PSMD14: variants seen among roughly 807,000 people sequenced by gnomAD.
The protein encoded by PSMD14 is proteasome 26S subunit, non-ATPase 14.
Under a neutral mutation model 41.2 loss-of-function variants are expected in PSMD14, and 7 were observed. That is an observed-to-expected ratio of 0.17 (90% CI 0.10 to 0.32). PSMD14 has a LOEUF of 0.32. PSMD14 is among the 10% of genes least tolerant of loss of function. The pLI is 1.00. For missense variants in PSMD14, 139 were observed against 375.6 expected, an observed-to-expected ratio of 0.37 and a Z score of 5.21; for synonymous variants, 114 against 122.3, an observed-to-expected ratio of 0.93 and a Z score of 0.45.
chr2:161,314,029 T>C (rs1689121752), intron 1 of PSMD14, among the ~76,000 whole-genome samples: 2 of 152,342 alleles, frequency 1.3e-5, no homozygotes, highest in South Asian at 4.1e-4. Context: ...TTTGAAAACA[T>C]TGAGAGCTCA....
At chr2:161,353,825 A>C (rs1296060493) in intron 3 of PSMD14, among the ~76,000 whole-genome samples, 1 of 152,198 alleles carries the variant, frequency 6.6e-6, no homozygotes, top group Non-Finnish European at 1.5e-5. Flanking sequence ...TGAGTGAATA[A>C]ATAAAAACGT....
intron 10 of PSMD14, among the ~76,000 whole-genome samples, chr2:161,400,627 C>T: frequency 6.6e-6 from 1 of 152,144 alleles, no homozygotes; most frequent in East Asian, 1.9e-4. Context: ...GATCATGGTT[C>T]ACTGTAGCTT....
intron 3 of PSMD14, among the ~76,000 whole-genome samples, chr2:161,333,095 A>T (rs1226463548): frequency 6.6e-6 from 1 of 152,222 alleles, no homozygotes; most frequent in African/African-American, 2.4e-5. Context: ...AAGGATTTAA[A>T]TTGCTTATTG....
intron 9 of PSMD14, among the ~76,000 whole-genome samples, chr2:161,391,506 T>A (rs1282976659): frequency 6.6e-6 from 1 of 152,182 alleles, no homozygotes; most frequent in African/African-American, 2.4e-5. Context: ...TAAAAAGGCC[T>A]TTTGTAATTA....
chr2:161,337,581 G>T (rs1420761768), intron 3 of PSMD14, among the ~76,000 whole-genome samples: 1 of 152,190 alleles, frequency 6.6e-6, no homozygotes, highest in East Asian at 1.9e-4. Context: ...GTATCATTCA[G>T]ATTGTTAATA....
intron 3 of PSMD14, among the ~76,000 whole-genome samples, chr2:161,350,997 C>T (rs567606428): frequency 6.6e-6 from 1 of 152,314 alleles, no homozygotes; most frequent in South Asian, 2.1e-4. Context: ...CTCCTTTGTC[C>T]AATCTCCCTT....
Position 161,411,576 on chromosome 2 carries a change from A to G in PSMD14, c.*176A>G. 1 of 396,396 alleles carries G rather than the reference A, an allele frequency of 2.5e-6. No homozygotes were observed. The highest frequency in any genetic ancestry group is 4.5e-6 in the Non-Finnish European group (1 of 223,764). The allele number at this position is 396,396 out of a possible 1,614,324, so 24.6% of individuals were successfully genotyped here. A position where few individuals can be genotyped will look rare whatever the true frequency, so the allele number is the denominator to read the frequency against. On this transcript the variant is annotated 3_prime_UTR_variant, in exon 12 of 12. Transcript: ENST00000409682. ...TGCAATTACTTCTGTTTCTTTAGTC[A>G]GGGTCTTTGCAGATTCTAAAGTTAT...
chr2:161,354,924 G>A (rs776388544), intron 3 of PSMD14, among the ~76,000 whole-genome samples: 15 of 152,056 alleles, frequency 9.9e-5, no homozygotes, highest in Non-Finnish European at 1.8e-4. Flanking sequence ...TCAAAATACT[G>A]GCTGTAGGGC....
chr2:161,395,765 A>G (rs1184293961), intron 10 of PSMD14, among the ~76,000 whole-genome samples: 6 of 152,242 alleles, frequency 3.9e-5, no homozygotes, highest in Admixed American at 3.9e-4. Flanking sequence ...TATATTAACA[A>G]ATATTTATTG....
intron 3 of PSMD14, among the ~76,000 whole-genome samples, chr2:161,337,975 G>A (rs988162254): frequency 1.3e-5 from 2 of 151,944 alleles, no homozygotes; most frequent in African/African-American, 4.8e-5. Flanking sequence ...GAATAAAAAG[G>A]GATGAGAAAA....
At chr2:161,349,073 T>C (rs1245729405) in intron 3 of PSMD14, among the ~76,000 whole-genome samples, 1 of 152,204 alleles carries the variant, frequency 6.6e-6, no homozygotes, top group Non-Finnish European at 1.5e-5. Flanking sequence ...ATGACCCTTT[T>C]GCTCAGTCCG....
rs28375809 is a variant in PSMD14, at chr2:161,312,174, C to T, written c.-138+3570C>T. Among the ~76,000 whole-genome samples, 427 of 146,540 alleles carry T rather than the reference C, an allele frequency of 2.9e-3. 2 individuals carry two copies. Among genetic ancestry groups the T allele is most frequent in the African/African-American group, 0.01 (414 of 39,712 alleles). On this transcript the variant is annotated intron_variant, in intron 1 of 11. Coordinates refer to ENST00000409682, the MANE Select transcript of PSMD14 (RefSeq NM_005805.6). ...TTTTTTTTTTTTTGAGATGGAGTAT[C>T]GTTCTGTCACCCAGGCTGGAGTGCG...
intron 11 of PSMD14, 58 bp downstream of exon 11, chr2:161,408,957 A>C: frequency 7.1e-7 from 1 of 1,417,878 alleles, no homozygotes; most frequent in East Asian, 2.4e-5. Context: ...TTATAGAGTT[A>C]AAACTGTTTT....
chr2:161,356,810 C>T (rs1290711481), intron 3 of PSMD14, among the ~76,000 whole-genome samples: 5 of 146,046 alleles, frequency 3.4e-5, no homozygotes, highest in South Asian at 2.2e-4. Context: ...TGTCATTTCC[C>T]GAGATAACTT....
chr2:161,367,577 T>G, intron 4 of PSMD14, 28 bp downstream of exon 4: 2 of 1,550,982 alleles, frequency 1.3e-6, no homozygotes, highest in Admixed American at 3.7e-5. Flanking sequence ...TTACTTGCTT[T>G]AGAGAACTCT....
chr2:161,353,110 A>G (rs1683142971), intron 3 of PSMD14, among the ~76,000 whole-genome samples: 1 of 152,228 alleles, frequency 6.6e-6, no homozygotes, highest in South Asian at 2.1e-4. Flanking sequence ...ACTATGAGTC[A>G]GATGTAAAAT....
At chr2:161,316,044 A>G (rs898969211) in intron 1 of PSMD14, among the ~76,000 whole-genome samples, 4 of 152,176 alleles carry the variant, frequency 2.6e-5, no homozygotes, top group East Asian at 1.9e-4. Flanking sequence ...GTGTTTCACC[A>G]TGTTAGCCAG....
chr2:161,336,521 A>G (rs190887845), intron 3 of PSMD14, among the ~76,000 whole-genome samples: 3 of 152,328 alleles, frequency 2.0e-5, no homozygotes, highest in African/African-American at 7.2e-5. Flanking sequence ...ACATTGAAGA[A>G]GTAAACTTTG....
intron 8 of PSMD14, among the ~76,000 whole-genome samples, chr2:161,389,893 T>TTTTTG (rs1683688347): frequency 9.9e-6 from 1 of 100,936 alleles, no homozygotes; most frequent in Non-Finnish European, 2.0e-5. Flanking sequence ...TTTGTTGTTT[T>TTTTTG]TTTTTTTTTT....
Sources: gnomAD v4.1 joint callset for allele counts (sites outside exome capture counted in the v4.1 genomes callset) on GRCh38, gnomAD v4.1.1 for gene constraint, MANE v1.5 for transcripts, NCBI Gene and HGNC (gene_info 2026-07-23, HGNC 2026-07-21) for gene names.